The following PLCB4 variants were observed in gnomAD, a reference collection of about 807,000 sequenced individuals.
The protein encoded by PLCB4 is 1-phosphatidylinositol 4,5-bisphosphate phosphodiesterase beta-4.
A neutral mutation model predicts 178.8 loss-of-function variants in PLCB4; 77 were observed. The observed-to-expected ratio is 0.43, with a 90% CI of 0.36 to 0.52. The LOEUF is 0.52. Among genes scored for constraint, PLCB4 ranks in the 20% least tolerant of loss-of-function variants. PLCB4 has a pLI of 0.00. For synonymous variants in PLCB4, 496 were observed against 490.8 expected (o/e 1.01, Z -0.14); for missense variants, 1,024 against 1,453.4 (o/e 0.70, Z 4.80).
intron 32 of PLCB4, among the ~76,000 whole-genome samples, chr20:9,449,818 T>G (rs1302478153): frequency 6.6e-6 from 1 of 152,190 alleles, no homozygotes; most frequent in Non-Finnish European, 1.5e-5. Flanking sequence ...AACTCATCAA[T>G]TTTAATTCAT....
chr20:9,298,848 T>G (rs907026646), intron 3 of PLCB4, among the ~76,000 whole-genome samples: 1 of 152,070 alleles, frequency 6.6e-6, no homozygotes, highest in Non-Finnish European at 1.5e-5. Flanking sequence ...TTTATTTTAT[T>G]CCTGTGCAAT....
chr20:9,479,196 A>G lies in PLCB4; in HGVS notation c.*187A>G, dbSNP rs554654618. On this transcript the variant is annotated 3_prime_UTR_variant, in exon 40 of 40. Coordinates refer to ENST00000378473, the MANE Select transcript of PLCB4 (RefSeq NM_001377142.1). The stretch of plus-strand genomic sequence containing the variant: ...GTATTGCATTTCCTTGGCCAAACAA[A>G]AATAGCTACAAATCCACAAAAATTT... 8.7e-6 allele frequency: 5 copies of G among 574,684 alleles called. No individual in the cohort carries two copies. The highest frequency in any genetic ancestry group is 1.6e-5 in the Non-Finnish European group (5 of 320,764). 35.6% of individuals were successfully genotyped at this position (574,684 alleles called of 1,614,324 possible). A position where few individuals can be genotyped will look rare whatever the true frequency, so the allele number is the denominator to read the frequency against.
chr20:9,380,470 G>A (rs2037049963), intron 13 of PLCB4, among the ~76,000 whole-genome samples: 1 of 152,126 alleles, frequency 6.6e-6, no homozygotes, highest in African/African-American at 2.4e-5. Context: ...AACCAATACA[G>A]TCTCTACTTG....
At chr20:9,369,677 A>G (rs1033073294) in intron 9 of PLCB4, among the ~76,000 whole-genome samples, 1 of 152,240 alleles carries the variant, frequency 6.6e-6, no homozygotes, top group Non-Finnish European at 1.5e-5. Context: ...GCTGTGAATG[A>G]ACACATAATT....
intron 2 of PLCB4, among the ~76,000 whole-genome samples, chr20:9,192,191 A>T (rs965282081): frequency 1.3e-5 from 2 of 152,196 alleles, no homozygotes; most frequent in African/African-American, 4.8e-5. Flanking sequence ...GCTGTGTGCC[A>T]TGATTGATTC....
At chr20:9,417,277 C>T (rs1053570956) in intron 25 of PLCB4, among the ~76,000 whole-genome samples, 3 of 151,966 alleles carry the variant, frequency 2.0e-5, no homozygotes, top group Admixed American at 6.5e-5. Flanking sequence ...GATTATATGA[C>T]CACTACCCCG....
chr20:9,426,976 G>A (rs934359893), intron 28 of PLCB4, among the ~76,000 whole-genome samples: 2 of 152,064 alleles, frequency 1.3e-5, no homozygotes, highest in African/African-American at 4.8e-5. Context: ...TGTAATCCCA[G>A]CACTTTGGGA....
chr20:9,357,180 C>T lies in PLCB4; in HGVS notation c.370-5716C>T, dbSNP rs527447967. Reference sequence around the variant, plus strand: ...TAATTGATCTAGATTTGTGAGTTGTCGATACCAAGAAGTTCCCATGTTTTA... The same window carrying T: ...TAATTGATCTAGATTTGTGAGTTGTTGATACCAAGAAGTTCCCATGTTTTA... On this transcript the variant is annotated intron_variant, in intron 7 of 39. Transcript: ENST00000378473. Among the ~76,000 whole-genome samples the T allele has an allele frequency of 9.9e-5, 15 of 152,238 alleles. No individual in the cohort carries two copies. In the South Asian group the frequency reaches 1.5e-3, roughly 15 times the overall value.
At position 9,227,177 on chromosome 20, in the gene PLCB4, C is replaced by CT. The variant is rs373496749; in HGVS notation, c.-16+9736dup. On this transcript the variant is annotated intron_variant, in intron 3 of 39. Coordinates refer to ENST00000378473, the MANE Select transcript of PLCB4 (RefSeq NM_001377142.1). ...TGATGTTGTTGAATTCATTGTAAGA[C>CT]TTTTTTTTTTTATATGTACTGGGCA... is the stretch of plus-strand genomic sequence containing the variant. 7.8e-4 allele frequency among the ~76,000 whole-genome samples: 113 copies of CT among 144,900 alleles called. 1 individual carries two copies. Among genetic ancestry groups the CT allele is most frequent in the African/African-American group, 2.1e-3 (83 of 39,870 alleles).
At chr20:9,464,354 G>C (rs186619306) in intron 35 of PLCB4, among the ~76,000 whole-genome samples, 1 of 151,914 alleles carries the variant, frequency 6.6e-6, no homozygotes, top group Non-Finnish European at 1.5e-5. Flanking sequence ...ACACCCTAAC[G>C]TCACAATTAA....
At chr20:9,161,692 T>C (rs138765519) in intron 2 of PLCB4, among the ~76,000 whole-genome samples, 2 of 152,358 alleles carry the variant, frequency 1.3e-5, no homozygotes, top group Non-Finnish European at 2.9e-5. Context: ...TATTGGACTT[T>C]GTATATTTTT....
rs569824688 is a variant in PLCB4, at chr20:9,338,968, C to T, written c.300C>T (p.Val100=). Residue 100 remains valine, a synonymous_variant, in exon 7 of 40, where the codon GTC becomes GTT. Transcript: ENST00000378473. The part of the protein sequence containing the change: ...ENDLEGRIVC[V]CSGTDLVNIS... The stretch of plus-strand genomic sequence containing the variant: ...ATCTGGAAGGGCGGATAGTTTGTGT[C>T]TGCAGTGGCACAGATCTAGTGAACA... The T allele has an allele frequency of 3.7e-6, 6 of 1,613,224 alleles. No individual in the cohort carries two copies. Among genetic ancestry groups the T allele is most frequent in the Admixed American group, 3.3e-5 (2 of 59,974 alleles).
At chr20:9,300,157 A>G (rs533318100) in intron 3 of PLCB4, among the ~76,000 whole-genome samples, 14 of 152,272 alleles carry the variant, frequency 9.2e-5, no homozygotes, top group African/African-American at 3.4e-4. Context: ...TTGAAGAGCA[A>G]GGCACTGAAA....
Position 9,473,208 on chromosome 20 carries a change from C to A in PLCB4, c.3409-71C>A, listed in dbSNP as rs1384741227. On this transcript the variant is annotated intron_variant, in intron 37 of 39. Coordinates refer to ENST00000378473, the MANE Select transcript of PLCB4 (RefSeq NM_001377142.1). ...TCACTTAAATTATAAAGTTACAAGT[C>A]ATCTCTCATCCCTGTTTTAAGATTG... is the stretch of plus-strand genomic sequence containing the variant. The A allele has an allele frequency of 6.9e-6, 6 of 867,082 alleles. 1 individual carries two copies. Among genetic ancestry groups the A allele is most frequent in the Non-Finnish European group, 7.1e-6 (4 of 559,670 alleles). The allele number at this position is 867,082 out of a possible 1,614,324, so 53.7% of individuals were successfully genotyped here.
chr20:9,361,086 T>C (rs557225427), intron 7 of PLCB4, among the ~76,000 whole-genome samples: 3 of 152,306 alleles, frequency 2.0e-5, no homozygotes, highest in South Asian at 4.1e-4. Flanking sequence ...GGAAAAATGG[T>C]ATGGCCACGA....
intron 10 of PLCB4, among the ~76,000 whole-genome samples, chr20:9,371,834 T>G (rs1436565037): frequency 6.6e-6 from 1 of 152,228 alleles, no homozygotes; most frequent in Admixed American, 6.5e-5. Flanking sequence ...ACTATTTTAA[T>G]AAGTCCTATT....
intron 26 of PLCB4, among the ~76,000 whole-genome samples, chr20:9,420,519 G>A (rs551710963): frequency 6.6e-6 from 1 of 152,010 alleles, no homozygotes; most frequent in East Asian, 1.9e-4. Flanking sequence ...AGTAGAGATG[G>A]GTTTTTACCA....
chr20:9,275,616 G>A (rs6133690), intron 3 of PLCB4, among the ~76,000 whole-genome samples: 3 of 151,728 alleles, frequency 2.0e-5, no homozygotes, highest in South Asian at 2.1e-4. Context: ...TCTAGCTCAC[G>A]GCCACAGTCT....
At chr20:9,300,451 G>A (rs972468631) in intron 3 of PLCB4, among the ~76,000 whole-genome samples, 2 of 152,170 alleles carry the variant, frequency 1.3e-5, no homozygotes, top group Non-Finnish European at 2.9e-5. Flanking sequence ...AGAAGCAAAT[G>A]CTTTTTCAGA....
Sources: gnomAD v4.1 joint callset for allele counts (sites outside exome capture counted in the v4.1 genomes callset) on GRCh38, gnomAD v4.1.1 for gene constraint, MANE v1.5 for transcripts, NCBI Gene and HGNC (gene_info 2026-07-23, HGNC 2026-07-21) for gene names.